Variants in TRPM3 observed in about 807,000 individuals in gnomAD.
The protein encoded by TRPM3 is transient receptor potential cation channel subfamily M member 3, also known as long transient receptor potential channel 3.
A neutral mutation model predicts 181.2 loss-of-function variants in TRPM3; 77 were observed. That is an observed-to-expected ratio of 0.42 (90% confidence interval 0.35 to 0.51). TRPM3 has a LOEUF of 0.51. TRPM3 is among the 20% of genes least tolerant of loss of function. The pLI is 0.01. For missense variants in TRPM3, 1,759 were observed against 2,196.7 expected, an observed-to-expected ratio of 0.80 and a Z score of 3.98; for synonymous variants, 745 against 796.4, an observed-to-expected ratio of 0.94 and a Z score of 1.09.
chr9:70,829,031 A>G (rs1356565539), intron 5 of TRPM3, among the ~76,000 whole-genome samples: 1 of 152,186 alleles, frequency 6.6e-6, no homozygotes, highest in Non-Finnish European at 1.5e-5. Flanking sequence ...GACTATAGAA[A>G]GAGAATATTC....
chr9:71,032,479 C>G (rs548140671), intron 1 of TRPM3, among the ~76,000 whole-genome samples: 61 of 151,884 alleles, frequency 4.0e-4, no homozygotes, highest in African/African-American at 1.4e-3. Flanking sequence ...TGTTTTATAA[C>G]AGTTTTTCAG....
intron 1 of TRPM3, among the ~76,000 whole-genome samples, chr9:70,887,469 G>A (rs2096109886): frequency 6.6e-6 from 1 of 152,064 alleles, no homozygotes; most frequent in Non-Finnish European, 1.5e-5. Flanking sequence ...GAGCTTATTG[G>A]AAAGAACATG....
At chr9:70,598,273 T>C (rs2132654038) in intron 21 of TRPM3, 146 bp downstream of exon 21, 2 of 1,084,754 alleles carry the variant, frequency 1.8e-6, no homozygotes, top group East Asian at 4.8e-5. Context: ...CCCCCAAACA[T>C]TCAAAAGGAA....
chr9:71,386,321 C>A (rs191176010), intron 1 of TRPM3, among the ~76,000 whole-genome samples: 1 of 151,586 alleles, frequency 6.6e-6, no homozygotes, highest in African/African-American at 2.4e-5. Context: ...TGGCGGTGCA[C>A]GCGTGTAGTC....
intron 6 of TRPM3, chr9:70,827,441 T>C (rs1034542): frequency 0.44 from 66,973 of 153,766 alleles, 15,477 homozygotes; most frequent in Non-Finnish European, 0.5. Flanking sequence ...GAAATGCCTT[T>C]GCACAGCCAG....
At chr9:70,754,863 C>T (rs1012879744) in intron 8 of TRPM3, among the ~76,000 whole-genome samples, 10 of 152,104 alleles carry the variant, frequency 6.6e-5, no homozygotes, top group Admixed American at 1.3e-4. Flanking sequence ...GTAGAAAACA[C>T]GGGGTCTGCA....
intron 1 of TRPM3, among the ~76,000 whole-genome samples, chr9:71,013,718 A>G (rs1236132646): frequency 6.6e-6 from 1 of 152,034 alleles, no homozygotes. Flanking sequence ...AGAGTAGTAT[A>G]AAGTGGCCTT....
intron 25 of TRPM3, among the ~76,000 whole-genome samples, chr9:70,543,569 T>A (rs2044066004): frequency 6.6e-6 from 1 of 152,162 alleles, no homozygotes; most frequent in African/African-American, 2.4e-5. Flanking sequence ...GATTTTTAGA[T>A]CCCACAAATA....
At chr9:71,015,965 G>T (rs184255134) in intron 1 of TRPM3, among the ~76,000 whole-genome samples, 31 of 152,068 alleles carry the variant, frequency 2.0e-4, no homozygotes, top group Non-Finnish European at 4.3e-4. Context: ...GGGAGGCCGA[G>T]GGAGGCGGAT....
intron 1 of TRPM3, among the ~76,000 whole-genome samples, chr9:71,341,344 T>C (rs1200551127): frequency 6.6e-6 from 1 of 152,164 alleles, no homozygotes; most frequent in African/African-American, 2.4e-5. Flanking sequence ...TGAGGAAATC[T>C]GGCAGATGCC....
At chr9:71,305,429 A>T (rs1226477028) in intron 1 of TRPM3, among the ~76,000 whole-genome samples, 1 of 152,124 alleles carries the variant, frequency 6.6e-6, no homozygotes, top group Non-Finnish European at 1.5e-5. Context: ...ACATAGACCT[A>T]ATTTGTGTCA....
At chr9:71,154,711 C>T (rs1431388886) in intron 1 of TRPM3, among the ~76,000 whole-genome samples, 2 of 152,142 alleles carry the variant, frequency 1.3e-5, no homozygotes, top group Non-Finnish European at 1.5e-5. Flanking sequence ...AGCCAAAAAC[C>T]TTTCTTATGA....
At chr9:71,196,071 A>G (rs2131692852) in intron 1 of TRPM3, among the ~76,000 whole-genome samples, 2 of 152,020 alleles carry the variant, frequency 1.3e-5, no homozygotes, top group African/African-American at 2.4e-5. Context: ...CCTCTGTGAC[A>G]TGAGTTTACT....
chr9:71,410,298 A>C (rs1379381194), intron 1 of TRPM3, among the ~76,000 whole-genome samples: 1 of 836 alleles, frequency 1.2e-3, no homozygotes, highest in Non-Finnish European at 8.8e-3. Context: ...AAAAACACTT[A>C]AAAAAAAAAT....
chr9:70,941,280 T>A (rs1589945171), intron 1 of TRPM3, among the ~76,000 whole-genome samples: 1 of 152,186 alleles, frequency 6.6e-6, no homozygotes, highest in East Asian at 1.9e-4. Flanking sequence ...TTGCTGAGTC[T>A]TCTAGCCTTC....
intron 9 of TRPM3, among the ~76,000 whole-genome samples, chr9:70,644,902 T>C (rs2058597750): frequency 6.6e-6 from 1 of 152,190 alleles, no homozygotes; most frequent in African/African-American, 2.4e-5. Context: ...CAAGTATTTC[T>C]ATACCTCAAT....
chr9:70,834,933 C>G (rs998137500), intron 5 of TRPM3, among the ~76,000 whole-genome samples: 1 of 152,076 alleles, frequency 6.6e-6, no homozygotes, highest in Non-Finnish European at 1.5e-5. Flanking sequence ...AAATGTAATC[C>G]CCAATGTTAG....
intron 8 of TRPM3, among the ~76,000 whole-genome samples, chr9:70,743,709 G>A (rs1174621777): frequency 1.3e-5 from 2 of 152,008 alleles, no homozygotes; most frequent in African/African-American, 4.8e-5. Context: ...GATGCAGAGT[G>A]GAAATGCAGA....
intron 8 of TRPM3, among the ~76,000 whole-genome samples, chr9:70,690,617 C>A (rs1279657268): frequency 6.6e-6 from 1 of 151,978 alleles, no homozygotes; most frequent in Non-Finnish European, 1.5e-5. Flanking sequence ...AATGCAGTGA[C>A]TTTTAAAAGC....
Sources: allele counts gnomAD v4.1 joint callset (sites outside exome capture counted in the v4.1 genomes callset), GRCh38; gene constraint gnomAD v4.1.1; transcripts MANE v1.5; gene names NCBI Gene and HGNC (gene_info 2026-07-23, HGNC 2026-07-21).